AUTS2: variants seen among roughly 807,000 people sequenced by gnomAD.
AUTS2 encodes autism susceptibility gene 2 protein.
Under a neutral mutation model 112.4 loss-of-function variants are expected in AUTS2, and 17 were observed. That is an observed-to-expected ratio of 0.15 (90% CI 0.10 to 0.23). The LOEUF (loss-of-function observed/expected upper bound fraction) is 0.23. AUTS2 is among the 10% of genes least tolerant of loss of function. The pLI is 1.00. For synonymous variants in AUTS2, 751 were observed against 702.7 expected, an observed-to-expected ratio of 1.07 and a Z score of -1.09; for missense variants, 1,510 against 1,701.6, an observed-to-expected ratio of 0.89 and a Z score of 1.98.
intron 1 of AUTS2, among the ~76,000 whole-genome samples, chr7:69,760,731 G>A (rs953642849): frequency 6.6e-6 from 1 of 152,148 alleles, no homozygotes; most frequent in Non-Finnish European, 1.5e-5. Flanking sequence ...TGAGGCAGGA[G>A]AATGCTTGAA....
rs546859499 is a variant in AUTS2 at position 70,722,169 on chromosome 7, G to A, written c.742+23549G>A. ...CCAACCCCTTTTAAAATCTTTAAAT[G>A]ACATCAGCAGTTTAAAGAGCCCAGG... On this transcript the variant is annotated intron_variant, in intron 6 of 18. Coordinates refer to ENST00000342771, the MANE Select transcript of AUTS2 (RefSeq NM_015570.4). 2.6e-5 allele frequency among the ~76,000 whole-genome samples: 4 copies of A among 151,854 alleles called. No homozygotes were observed. The South Asian group carries it at 8.3e-4, about 32-fold the overall frequency.
rs189024729 is a variant in AUTS2 at position 70,754,637 on chromosome 7, A to T, written c.743-8233A>T. Among the ~76,000 whole-genome samples, 379 of 152,250 alleles carry T rather than the reference A, an allele frequency of 2.5e-3. 5 individuals are homozygous for T. Among genetic ancestry groups the T allele is most frequent in the African/African-American group, 7.5e-3 (313 of 41,540 alleles). On this transcript the variant is annotated intron_variant, in intron 6 of 18. Coordinates refer to ENST00000342771, the MANE Select transcript of AUTS2 (RefSeq NM_015570.4). ...TGTTCGCACTTTAAAGTCTGGGTTA[A>T]TTTTCTTATTTGACTGTGATCTGTA... is the stretch of plus-strand genomic sequence containing the variant.
At chr7:69,888,540 G>GAGATAT (rs1554399177) in intron 1 of AUTS2, among the ~76,000 whole-genome samples, 2 of 99,232 alleles carry the variant, frequency 2.0e-5, no homozygotes, top group East Asian at 3.0e-4. Flanking sequence ...CAACATTGGG[G>GAGATAT]ATATATATAT....
chr7:69,700,018 G>A (rs1283011433), intron 1 of AUTS2, among the ~76,000 whole-genome samples: 2 of 152,186 alleles, frequency 1.3e-5, no homozygotes, highest in African/African-American at 4.8e-5. Flanking sequence ...TACAGTGAAT[G>A]TGCATTTGTA....
chr7:70,031,676 C>T (rs1041881325), intron 2 of AUTS2, among the ~76,000 whole-genome samples: 1 of 152,010 alleles, frequency 6.6e-6, no homozygotes, highest in African/African-American at 2.4e-5. Context: ...GATCAGGGGC[C>T]CTAGATTTCC....
chr7:70,137,939 T>C (rs1215426762), intron 4 of AUTS2, among the ~76,000 whole-genome samples: 1 of 152,198 alleles, frequency 6.6e-6, no homozygotes, highest in African/African-American at 2.4e-5. Flanking sequence ...TGATCAGTTA[T>C]TTACATTTTT....
At chr7:70,665,376 G>A (rs776111850) in intron 5 of AUTS2, among the ~76,000 whole-genome samples, 2 of 152,078 alleles carry the variant, frequency 1.3e-5, no homozygotes, top group East Asian at 1.9e-4. Context: ...TGATCCTCCC[G>A]CCTCAGTCTC....
At chr7:70,488,351 G>A (rs1221167372) in intron 5 of AUTS2, among the ~76,000 whole-genome samples, 10 of 152,178 alleles carry the variant, frequency 6.6e-5, no homozygotes, top group African/African-American at 2.4e-4. Flanking sequence ...TGCCCTCATG[G>A]AGGCCGGGGC....
At chr7:69,666,238 TG>T (rs1206439665) in intron 1 of AUTS2, among the ~76,000 whole-genome samples, 2 of 152,234 alleles carry the variant, frequency 1.3e-5, no homozygotes, top group South Asian at 2.1e-4. Context: ...AAAAAATGTC[TG>T]TCTTCTGACC....
At chr7:70,670,095 G>C (rs569755847) in intron 5 of AUTS2, among the ~76,000 whole-genome samples, 5 of 152,294 alleles carry the variant, frequency 3.3e-5, no homozygotes, top group Non-Finnish European at 7.4e-5. Flanking sequence ...TACGCTACAC[G>C]CTGCCTGGTC....
chr7:70,113,057 T>A (rs1023832995), intron 2 of AUTS2, among the ~76,000 whole-genome samples: 1 of 152,168 alleles, frequency 6.6e-6, no homozygotes, highest in African/African-American at 2.4e-5. Flanking sequence ...TTTCTCTAGC[T>A]GTTGTAGATG....
At chr7:69,760,580 T>A (rs563577342) in intron 1 of AUTS2, among the ~76,000 whole-genome samples, 2 of 152,202 alleles carry the variant, frequency 1.3e-5, no homozygotes, top group South Asian at 2.1e-4. Flanking sequence ...TCCTAGCACT[T>A]TGGGAGGCCA....
chr7:69,769,102 A>G (rs1453639823), intron 1 of AUTS2, among the ~76,000 whole-genome samples: 1 of 152,214 alleles, frequency 6.6e-6, no homozygotes, highest in African/African-American at 2.4e-5. Context: ...CAAATCTGAT[A>G]ATTTCATTGA....
At chr7:69,906,092 A>C (rs1181414059) in intron 2 of AUTS2, among the ~76,000 whole-genome samples, 1 of 152,236 alleles carries the variant, frequency 6.6e-6, no homozygotes, top group Non-Finnish European at 1.5e-5. Flanking sequence ...ATAAATTTCT[A>C]CAATGTCAGT....
intron 1 of AUTS2, among the ~76,000 whole-genome samples, chr7:69,661,569 T>C (rs182685036): frequency 1.3e-5 from 2 of 152,316 alleles, no homozygotes; most frequent in Admixed American, 1.3e-4. Context: ...ACTGGGACAG[T>C]AATTGGTGTG....
chr7:69,968,571 G>A (rs962405097), intron 2 of AUTS2, among the ~76,000 whole-genome samples: 4 of 152,138 alleles, frequency 2.6e-5, no homozygotes, highest in Non-Finnish European at 2.9e-5. Context: ...GTAGAGCATT[G>A]GACTGCAGAT....
chr7:70,468,239 G>T (rs1797243816), intron 5 of AUTS2, among the ~76,000 whole-genome samples: 1 of 152,104 alleles, frequency 6.6e-6, no homozygotes, highest in African/African-American at 2.4e-5. Flanking sequence ...GATAAGTAGG[G>T]TTTTCAGCGT....
rs61076536 is a variant in AUTS2, at chr7:70,117,104, G to GT, written c.523-1016dup. Among the ~76,000 whole-genome samples, 240 of 78,340 alleles carry GT rather than the reference G, an allele frequency of 3.1e-3. 5 individuals are homozygous for GT. The highest frequency in any genetic ancestry group is 0.03 in the East Asian group (77 of 2,578). 51.4% of individuals were successfully genotyped at this position (78,340 alleles called of 152,430 possible). ...ACGTAAACTTCATGAGATGACTTTTGTTTTTTTTTTTTGTTTTTTTTTGTT... is the reference window on the plus strand; with the variant it reads ...ACGTAAACTTCATGAGATGACTTTTGTTTTTTTTTTTTTGTTTTTTTTTGTT... On this transcript the variant is annotated intron_variant, in intron 2 of 18. Transcript: ENST00000342771.
intron 2 of AUTS2, among the ~76,000 whole-genome samples, chr7:70,052,456 G>A (rs188226083): frequency 3.9e-5 from 6 of 152,302 alleles, no homozygotes; most frequent in Admixed American, 2.0e-4. Flanking sequence ...CTGAAGCTTA[G>A]AGAGATTTTC....
Sources: allele counts gnomAD v4.1 joint callset (sites outside exome capture counted in the v4.1 genomes callset), GRCh38; gene constraint gnomAD v4.1.1; transcripts MANE v1.5; gene names NCBI Gene and HGNC (gene_info 2026-07-23, HGNC 2026-07-21).